The following OR1S1 variants were observed in gnomAD, a reference collection of about 807,000 sequenced individuals.
The protein encoded by OR1S1 is olfactory receptor family 1 subfamily S member 1.
For missense variants in OR1S1, 411 were observed against 367.5 expected, an observed-to-expected ratio of 1.12 and a Z score of -0.97; for synonymous variants, 156 against 143.9, an observed-to-expected ratio of 1.08 and a Z score of -0.60.
At chr11:58,214,473 T>C (rs948902140) in intron 1 of OR1S1, among the ~76,000 whole-genome samples, 2 of 152,212 alleles carry the variant, frequency 1.3e-5, no homozygotes, top group Non-Finnish European at 2.9e-5. Flanking sequence ...AGGGTATGCC[T>C]CATCTATGAC....
At chr11:58,215,547 T>G in exon 2 of OR1S1, 1 of 1,613,974 alleles carries the variant, frequency 6.2e-7, no homozygotes, top group Middle Eastern at 1.7e-4. Flanking sequence ...TACGGAACCA[T>G]TGTAGGCGTG....
chr11:58,215,096 A>G (rs1250990642), exon 2 of OR1S1: 1 of 1,614,106 alleles, frequency 6.2e-7, no homozygotes, highest in Admixed American at 1.7e-5. Context: ...GTACTTTTCT[A>G]TTGTGTTTGT....
chr11:58,213,072 GA>G (rs2120059725), intron 1 of OR1S1, among the ~76,000 whole-genome samples: 1 of 152,336 alleles, frequency 6.6e-6, no homozygotes, highest in Non-Finnish European at 1.5e-5. Flanking sequence ...CAGGAGGAAA[GA>G]GACTTCAGAT....
At position 58,214,722 on chromosome 11, in the gene OR1S1, A is replaced by G. The variant is rs1852896785; in HGVS notation, c.-55-7A>G. ...GCAATGGCTGCAGCCAAATGATACC[A>G]TGTTAGGTTTTCTTGTAGGAATATG... On this transcript the variant is annotated splice_polypyrimidine_tract_variant and splice_region_variant and intron_variant, in intron 1 of 1. Transcript: ENST00000641544. The G allele has an allele frequency of 1.2e-6, 2 of 1,606,432 alleles. No homozygotes were observed. The highest frequency in any genetic ancestry group is 1.7e-6 in the Non-Finnish European group (2 of 1,175,014).
rs757089704 is a variant in OR1S1 at position 58,215,647 on chromosome 11, C to CATCT, written c.866_869dup (p.Ser291LeufsTer6). The CATCT allele has an allele frequency of 6.2e-7, 1 of 1,614,108 alleles. No individual in the cohort carries two copies. The highest frequency in any genetic ancestry group is 1.1e-5 in the South Asian group (1 of 91,082). On this transcript the variant is annotated frameshift_variant, in exon 2 of 2. Coordinates refer to ENST00000641544, the Ensembl canonical transcript of OR1S1. LOFTEE classifies it high-confidence loss of function. ...TGGTGACACCCATGATAAACCCCTT[C>CATCT]ATCTACAGCTTGAGGAATAAGGATA...
At position 58,215,609 on chromosome 11, in the gene OR1S1, G is replaced by T. The variant is rs765300006; in HGVS notation, c.826G>T (p.Val276Phe). ...TGAGGACACTGATAAGATTGGTGCTGTCCTATTCACTGTGGTGACACCCAT... is the reference window on the plus strand; with the variant it reads ...TGAGGACACTGATAAGATTGGTGCTTTCCTATTCACTGTGGTGACACCCAT... The change falls in exon 2 of 2, where the codon GTC becomes TTC. Residue 276 changes from valine to phenylalanine, a missense_variant. By Grantham distance (50) the Val-to-Phe change is conservative (BLOSUM62 -1). Transcript: ENST00000641544. 9.9e-6 allele frequency: 16 copies of T among 1,613,952 alleles called. No individual in the cohort carries two copies. The South Asian group carries it at 1.6e-4, about 17-fold the overall frequency.
At chr11:58,215,715 C>T in exon 2 of OR1S1, 1 of 1,610,604 alleles carries the variant, frequency 6.2e-7, no homozygotes, top group Non-Finnish European at 8.5e-7. Context: ...AAAATTTCTT[C>T]CCTTTGATGC....
chr11:58,213,786 C>G (rs1852862691), intron 1 of OR1S1, among the ~76,000 whole-genome samples: 1 of 152,230 alleles, frequency 6.6e-6, no homozygotes, highest in South Asian at 2.1e-4. Context: ...TTGGGACTGC[C>G]TCATTATGCG....
At chr11:58,215,928 A>C in exon 2 of OR1S1, 1 of 609,854 alleles carries the variant, frequency 1.6e-6, no homozygotes, top group Non-Finnish European at 2.8e-6. Context: ...CACAAGAATA[A>C]CACGCATCCT....
Position 58,215,473 on chromosome 11 carries a change from C to T in OR1S1, c.690C>T (p.Ser230=), listed in dbSNP as rs752878670. 6.8e-6 allele frequency: 11 copies of T among 1,614,014 alleles called. 1 individual carries two copies. The highest frequency in any genetic ancestry group is 2.7e-5 in the African/African-American group (2 of 74,910). Residue 230 remains serine (S), a synonymous_variant, in exon 2 of 2, where the codon TCC becomes TCT. Coordinates refer to ENST00000641544, the Ensembl canonical transcript of OR1S1. Reference sequence around the variant, plus strand: ...TCAGAGCTGTCCTGAGAGTATCTTCCACACAGGGAAAGTGGAAAGCCTTCT... The same window carrying T: ...TCAGAGCTGTCCTGAGAGTATCTTCTACACAGGGAAAGTGGAAAGCCTTCT...
chr11:58,215,193 G>A (rs1425306159), exon 2 of OR1S1: 12 of 1,613,886 alleles, frequency 7.4e-6, no homozygotes, highest in South Asian at 6.6e-5. Context: ...ATTCTCATGC[G>A]GCCCAGGTTC....
chr11:58,215,931 C>T lies in OR1S1; in HGVS notation c.*209C>T, dbSNP rs547491083. The T allele has an allele frequency of 1.2e-4, 72 of 600,420 alleles. 1 individual carries two copies. The highest frequency in any genetic ancestry group is 8.3e-4 in the African/African-American group (45 of 54,198). 37.2% of individuals were successfully genotyped at this position (600,420 alleles called of 1,614,324 possible). A position where few individuals can be genotyped will look rare whatever the true frequency, so the allele number is the denominator to read the frequency against. On this transcript the variant is annotated 3_prime_UTR_variant, in exon 2 of 2. Transcript: ENST00000641544. ...GCCATGGTAAGTCACAAGAATAACACGCATCCTTAGAGAGTAGATTGGTGG... is the reference window on the plus strand; with the variant it reads ...GCCATGGTAAGTCACAAGAATAACATGCATCCTTAGAGAGTAGATTGGTGG...
At chr11:58,214,854 A>G in exon 2 of OR1S1, 1 of 1,614,104 alleles carries the variant, frequency 6.2e-7, no homozygotes, top group Non-Finnish European at 8.5e-7. Flanking sequence ...GATGAGCATC[A>G]AAACCTCCTC....
At chr11:58,213,249 C>G (rs987761813) in intron 1 of OR1S1, among the ~76,000 whole-genome samples, 1 of 150,776 alleles carries the variant, frequency 6.6e-6, no homozygotes, top group African/African-American at 2.4e-5. Flanking sequence ...TCTTTGTTCC[C>G]AAGCTGATAT....
chr11:58,215,934 A>G, exon 2 of OR1S1: 1 of 579,200 alleles, frequency 1.7e-6, no homozygotes, highest in South Asian at 2.4e-5. Flanking sequence ...AATAACACGC[A>G]TCCTTAGAGA....
At chr11:58,214,250 CT>C (rs1186485667) in intron 1 of OR1S1, among the ~76,000 whole-genome samples, 5 of 152,162 alleles carry the variant, frequency 3.3e-5, no homozygotes, top group Non-Finnish European at 7.4e-5. Flanking sequence ...TTTTGGAGTT[CT>C]CCCCCGGCGT....
At chr11:58,215,876 G>C (rs765747462) in exon 2 of OR1S1, 13 of 931,030 alleles carry the variant, frequency 1.4e-5, no homozygotes, top group Admixed American at 2.4e-5. Context: ...TTTCCACTTA[G>C]CTCTTGTCTT....
In OR1S1 at chr11:58,214,909, C is replaced by A. The variant is rs199668390; in HGVS notation, c.126C>A (p.Asn42Lys). Residue 42 changes from asparagine to lysine, a missense_variant, in exon 2 of 2, where the codon AAC becomes AAA. Transcript: ENST00000641544. ...TGTACCTGGTCACTGTGATTGGGAA[C>A]GGGCTCATCATTGTGGCTATCAGCT... The A allele has an allele frequency of 4.0e-5, 64 of 1,613,954 alleles. No individual in the cohort carries two copies. Among genetic ancestry groups the A allele is most frequent in the Middle Eastern group, 1.6e-4 (1 of 6,084 alleles).
exon 2 of OR1S1, chr11:58,215,165 C>T (rs1383263969): frequency 6.2e-7 from 1 of 1,614,112 alleles, no homozygotes; most frequent in South Asian, 1.1e-5. Flanking sequence ...GGCGATCTGC[C>T]ACCCTCTGAA....
Sources: allele counts gnomAD v4.1 joint callset (sites outside exome capture counted in the v4.1 genomes callset), GRCh38; gene constraint gnomAD v4.1.1; transcripts MANE v1.5; gene names NCBI Gene and HGNC (gene_info 2026-07-23, HGNC 2026-07-21).